The following ECHDC3 variants were observed in gnomAD, a reference collection of about 807,000 sequenced individuals.
ECHDC3 encodes enoyl-CoA hydratase domain-containing protein 3, mitochondrial.
In ECHDC3, 20 loss-of-function variants were observed where a neutral mutation model predicts 17.9. The observed-to-expected ratio is 1.12, with a 90% confidence interval of 0.79 to 1.63. The LOEUF (loss-of-function observed/expected upper bound fraction) is 1.63. Among genes scored for constraint, ECHDC3 ranks in the 40% most tolerant of loss-of-function variants. ECHDC3 has a pLI of 0.00. For synonymous variants in ECHDC3, 177 were observed against 149.7 expected (o/e 1.18, Z -1.33); for missense variants, 407 against 357.7 (o/e 1.14, Z -1.11).
intron 1 of ECHDC3, among the ~76,000 whole-genome samples, chr10:11,743,694 G>T (rs908288413): frequency 1.3e-5 from 2 of 152,234 alleles, no homozygotes; most frequent in Non-Finnish European, 1.5e-5. Flanking sequence ...TTGGAAAGGG[G>T]ATGGTTCCCT....
chr10:11,747,049 C>G (rs1261099758), intron 1 of ECHDC3, among the ~76,000 whole-genome samples: 1 of 152,136 alleles, frequency 6.6e-6, no homozygotes, highest in Admixed American at 6.5e-5. Flanking sequence ...ATTTTGGAAC[C>G]GCTGTGCATT....
At chr10:11,760,886 C>T (rs903276131) in intron 4 of ECHDC3, among the ~76,000 whole-genome samples, 5 of 152,350 alleles carry the variant, frequency 3.3e-5, no homozygotes, top group South Asian at 4.1e-4. Flanking sequence ...GCTTCAGACA[C>T]GCTTTGGCAT....
chr10:11,749,346 C>A, intron 2 of ECHDC3, 149 bp from the exon 3 acceptor site: 1 of 695,360 alleles, frequency 1.4e-6, no homozygotes, highest in Non-Finnish European at 2.3e-6. Context: ...TTCAAGCAAA[C>A]TGGAATTATT....
chr10:11,753,297 C>T (rs533872523), intron 3 of ECHDC3, among the ~76,000 whole-genome samples: 6 of 152,228 alleles, frequency 3.9e-5, no homozygotes, highest in African/African-American at 1.4e-4. Context: ...GCAGGAGAGT[C>T]ACTTGAACCC....
intron 4 of ECHDC3, 181 bp downstream of exon 4, chr10:11,755,789 G>A (rs995703331): frequency 3.1e-5 from 18 of 573,118 alleles, no homozygotes; most frequent in East Asian, 3.0e-4. Flanking sequence ...GGGAAGAGCC[G>A]ACCGCCTGCC....
chr10:11,755,744 T>A, intron 4 of ECHDC3, 136 bp downstream of exon 4: 1 of 820,276 alleles, frequency 1.2e-6, no homozygotes. Context: ...TGCCTCTGGC[T>A]AGATGGGCCA....
chr10:11,763,668 C>T lies in ECHDC3; in HGVS notation c.*124C>T. ...TGCTTTCGTGACTTGATATTGGTGT[C>T]ATAGCATTTGGCCTACATTAAAAGC... On this transcript the variant is annotated 3_prime_UTR_variant, in exon 5 of 5. Coordinates refer to ENST00000379215, the MANE Select transcript of ECHDC3 (RefSeq NM_024693.5). The surrounding 1 kb of genome is among the most constrained non-coding windows in gnomAD (Gnocchi z 4.9). 1 of 1,431,634 alleles carries T rather than the reference C, an allele frequency of 7.0e-7. No homozygotes were observed. 88.7% of individuals were successfully genotyped at this position (1,431,634 alleles called of 1,614,324 possible).
intron 4 of ECHDC3, among the ~76,000 whole-genome samples, chr10:11,758,791 G>T (rs1177824159): frequency 1.3e-5 from 2 of 152,240 alleles, no homozygotes; most frequent in Non-Finnish European, 2.9e-5. Context: ...CATGGTGCCA[G>T]TGCGAATGCA....
chr10:11,758,570 C>T (rs114215061), intron 4 of ECHDC3, among the ~76,000 whole-genome samples: 3,380 of 152,318 alleles, frequency 0.022, 137 homozygotes, highest in African/African-American at 0.077. Flanking sequence ...CCCAGACAGG[C>T]TGCGTTTTAG....
At position 11,763,371 on chromosome 10, in the gene ECHDC3, G is replaced by A. The variant is rs1267746625; in HGVS notation, c.739G>A (p.Val247Met). The part of the protein sequence containing the change: ...ARKIASLSRP[V>M]VSLGKATFYK... ...GAAGATCGCATCGCTGAGCCGTCCG[G>A]TGGTGTCCCTGGGCAAAGCCACCTT... The change falls in exon 5 of 5, where the codon GTG becomes ATG. Residue 247 changes from valine to methionine, a missense_variant. Val to Met is a conservative substitution (Grantham distance 21, BLOSUM62 1). Coordinates refer to ENST00000379215, the MANE Select transcript of ECHDC3 (RefSeq NM_024693.5). This position sits in a 1 kb window ranked among gnomAD's most constrained non-coding sequence, Gnocchi z 4.9. 3.8e-6 allele frequency: 3 copies of A among 779,434 alleles called. No individual in the cohort carries two copies. Among genetic ancestry groups the A allele is most frequent in the Admixed American group, 1.7e-5 (1 of 59,020 alleles). 48.3% of individuals were successfully genotyped at this position (779,434 alleles called of 1,614,324 possible).
chr10:11,755,624 C>G lies in ECHDC3; in HGVS notation c.591+16C>G, dbSNP rs778863912. Reference sequence around the variant, plus strand: ...GCCTAGAAAGGTAATTTAACTCCCCCCACCCACCTCTGCCTCCCAGCCTTC... The same window carrying G: ...GCCTAGAAAGGTAATTTAACTCCCCGCACCCACCTCTGCCTCCCAGCCTTC... On this transcript the variant is annotated intron_variant, in intron 4 of 4. Coordinates refer to ENST00000379215, the MANE Select transcript of ECHDC3 (RefSeq NM_024693.5). 2 of 1,596,008 alleles carry G rather than the reference C, an allele frequency of 1.3e-6. No individual in the cohort carries two copies. The highest frequency in any genetic ancestry group is 2.3e-5 in the East Asian group (1 of 44,168).
At position 11,763,570 on chromosome 10, in the gene ECHDC3, G is replaced by C; in HGVS notation, c.*26G>C. ...GTGGAGGCAGAGGAGTGAGGCCCAC[G>C]GGCAGCGCCCAGGAGCCCACCTTCC... is the stretch of plus-strand genomic sequence containing the variant. On this transcript the variant is annotated 3_prime_UTR_variant, in exon 5 of 5. Coordinates refer to ENST00000379215, the MANE Select transcript of ECHDC3 (RefSeq NM_024693.5). The surrounding 1 kb of genome is among the most constrained non-coding windows in gnomAD (Gnocchi z 4.9). The C allele has an allele frequency of 6.8e-7, 1 of 1,473,726 alleles. No homozygotes were observed. The highest frequency in any genetic ancestry group is 1.4e-5 in the South Asian group (1 of 73,022). The allele number at this position is 1,473,726 out of a possible 1,614,324, so 91.3% of individuals were successfully genotyped here.
chr10:11,761,720 G>C (rs1433714795), intron 4 of ECHDC3, among the ~76,000 whole-genome samples: 1 of 152,218 alleles, frequency 6.6e-6, no homozygotes, highest in Non-Finnish European at 1.5e-5. Context: ...CAGCATGGAG[G>C]CCAGGTCCCA....
intron 3 of ECHDC3, among the ~76,000 whole-genome samples, chr10:11,750,264 GGAA>G (rs1220198478): frequency 6.6e-6 from 1 of 151,932 alleles, no homozygotes; most frequent in African/African-American, 2.4e-5. Flanking sequence ...GCGTCTTTAG[GGAA>G]GAAGAATCTC....
intron 4 of ECHDC3, among the ~76,000 whole-genome samples, chr10:11,757,369 GAGA>G (rs889654471): frequency 3.9e-5 from 6 of 152,118 alleles, no homozygotes; most frequent in Admixed American, 2.0e-4. Flanking sequence ...TAAAGTTTTT[GAGA>G]AGAAAAGGGG....
rs1447773297 is a variant in ECHDC3 at position 11,749,575 on chromosome 10, T to C, written c.373T>C (p.Phe125Leu). 6.2e-7 allele frequency: 1 copy of C among 1,613,982 alleles called. No individual in the cohort carries two copies. Among genetic ancestry groups the C allele is most frequent in the Admixed American group, 1.7e-5 (1 of 59,982 alleles). ...AGGCCGTGATTACCATGCCGAAGTA[T>C]TTCAGACCTGTTCCAAGGTAAGCCA... ...EQGRDYHAEV[F>L]QTCSKVMMHI... The change falls in exon 3 of 5, where the codon TTT becomes CTT. Residue 125 changes from phenylalanine (F) to leucine (L), a missense_variant. Physicochemically the swap from Phe to Leu is conservative, Grantham distance 22. Transcript: ENST00000379215.
chr10:11,761,925 G>A (rs2133796954), intron 4 of ECHDC3, among the ~76,000 whole-genome samples: 1 of 152,198 alleles, frequency 6.6e-6, no homozygotes, highest in Middle Eastern at 3.4e-3. Flanking sequence ...TGGAGATACA[G>A]AAATCAACAG....
intron 4 of ECHDC3, among the ~76,000 whole-genome samples, chr10:11,759,063 C>T (rs1442790051): frequency 6.6e-6 from 1 of 152,186 alleles, no homozygotes; most frequent in Non-Finnish European, 1.5e-5. Context: ...TTTATGAAAA[C>T]AGCCCCAGGC....
At chr10:11,757,592 C>CTCAACTGGAGACTCGCCAGTTT (rs1327519972) in intron 4 of ECHDC3, among the ~76,000 whole-genome samples, 1 of 16,870 alleles carries the variant, frequency 5.9e-5, no homozygotes, top group African/African-American at 6.4e-5. Context: ...CTCTAAATCA[C>CTCAACTGGAGACTCGCCAGTTT]TCAACTGGAG....
Sources: gnomAD v4.1 joint callset for allele counts (sites outside exome capture counted in the v4.1 genomes callset) on GRCh38, gnomAD v4.1.1 for gene constraint, Gnocchi (gnomAD v3.1) non-coding constraint, MANE v1.5 for transcripts, NCBI Gene and HGNC (gene_info 2026-07-23, HGNC 2026-07-21) for gene names.